KCNAB1: variants seen among roughly 807,000 people sequenced by gnomAD.
The protein encoded by KCNAB1 is voltage-gated potassium channel subunit beta-1.
In KCNAB1, 35 loss-of-function variants were observed where a neutral mutation model predicts 64.6. The observed-to-expected ratio is 0.54, with a 90% CI of 0.41 to 0.72. The LOEUF (loss-of-function observed/expected upper bound fraction) is 0.72, where lower values mean the gene tolerates loss of function less well. Among genes scored for constraint, KCNAB1 ranks in the 30% least tolerant of loss-of-function variants. The pLI is 0.00. For missense variants in KCNAB1, 401 were observed against 512.9 expected (o/e 0.78, Z 2.11); for synonymous variants, 177 against 183.8 (o/e 0.96, Z 0.30).
chr3:156,237,696 T>C (rs9864967), intron 1 of KCNAB1, among the ~76,000 whole-genome samples: 86,792 of 152,012 alleles, frequency 0.57, 25,434 homozygotes, highest in East Asian at 0.9. Flanking sequence ...GTGGCTGTTT[T>C]CTTAACATTT....
chr3:156,465,617 AG>A, intron 6 of KCNAB1, 25 bp from the exon 7 acceptor site: 1 of 1,606,930 alleles, frequency 6.2e-7, no homozygotes. Context: ...TCTCATTCAA[AG>A]TTATTTGCTT....
intron 1 of KCNAB1, among the ~76,000 whole-genome samples, chr3:156,247,573 G>A (rs1418201538): frequency 1.3e-5 from 2 of 151,932 alleles, no homozygotes; most frequent in Non-Finnish European, 2.9e-5. Context: ...TTTTTTGCGG[G>A]GGAGAGGAAG....
At chr3:156,461,259 A>G (rs1324840762) in intron 5 of KCNAB1, among the ~76,000 whole-genome samples, 1 of 152,228 alleles carries the variant, frequency 6.6e-6, no homozygotes, top group East Asian at 1.9e-4. Flanking sequence ...CCAGAAATCC[A>G]AAATCAAGGT....
At chr3:156,293,473 A>G (rs1560179161) in intron 1 of KCNAB1, among the ~76,000 whole-genome samples, 1 of 152,240 alleles carries the variant, frequency 6.6e-6, no homozygotes, top group Non-Finnish European at 1.5e-5. Context: ...ACCTGTTTTT[A>G]TAAAAGTTGC....
intron 1 of KCNAB1, among the ~76,000 whole-genome samples, chr3:156,138,288 G>T (rs910422402): frequency 1.3e-5 from 2 of 152,206 alleles, no homozygotes; most frequent in African/African-American, 4.8e-5. Flanking sequence ...ACGTGAACAA[G>T]AGCAGAAAGA....
At chr3:156,284,708 C>T (rs923131533) in intron 1 of KCNAB1, among the ~76,000 whole-genome samples, 5 of 152,204 alleles carry the variant, frequency 3.3e-5, no homozygotes, top group African/African-American at 9.6e-5. Context: ...GTGCAGTATT[C>T]GGGTGGGAGT....
Position 156,137,868 on chromosome 3 carries a change from T to C in KCNAB1, c.275+16982T>C, listed in dbSNP as rs985980890. On this transcript the variant is annotated intron_variant, in intron 1 of 13. Transcript: ENST00000490337. ...ACTGTGCCCGGCCTGGATTGCAAAC[T>C]TGTGAAAGAACTCCCTCCACTCCTC... Among the ~76,000 whole-genome samples the C allele has an allele frequency of 1.3e-5, 2 of 152,016 alleles. 1 individual carries two copies. Among genetic ancestry groups the C allele is most frequent in the Admixed American group, 1.3e-4 (2 of 15,264 alleles).
intron 8 of KCNAB1, among the ~76,000 whole-genome samples, chr3:156,503,394 T>A (rs1055893925): frequency 1.3e-5 from 2 of 152,204 alleles, no homozygotes. Flanking sequence ...CATTCTTATC[T>A]AAATGTAAGA....
chr3:156,402,160 AAAG>A (rs944246701), intron 1 of KCNAB1, among the ~76,000 whole-genome samples: 5 of 152,162 alleles, frequency 3.3e-5, no homozygotes, highest in Non-Finnish European at 7.4e-5. Context: ...TTAAAAAAAA[AAAG>A]AGAGAAAAGA....
In KCNAB1 at chr3:156,120,699, G is replaced by C. The variant is rs67167156; in HGVS notation, c.88G>C (p.Gly30Arg). Reference sequence around the variant, plus strand: ...GAGACAGTCTGGGTTTTCTGTAGCAGGGAAAGACAAATCTCCCAAGAAAGC... The same window carrying C: ...GAGACAGTCTGGGTTTTCTGTAGCACGGAAAGACAAATCTCCCAAGAAAGC... Reference protein sequence around the residue: ...LRRQSGFSVAGKDKSPKKASE... With the variant: ...LRRQSGFSVARKDKSPKKASE... Residue 30 changes from glycine to arginine, a missense_variant, in exon 1 of 14, where the codon GGG becomes CGG. Gly to Arg is a moderately radical substitution (Grantham distance 125). Transcript: ENST00000490337. 4,585 of 1,614,236 alleles carry C rather than the reference G, an allele frequency of 2.8e-3. 144 individuals are homozygous for C. In the African/African-American group the frequency reaches 0.055, roughly 19 times the overall value.
chr3:156,465,235 A>G (rs1178238529), intron 6 of KCNAB1, among the ~76,000 whole-genome samples: 1 of 152,214 alleles, frequency 6.6e-6, no homozygotes, highest in Non-Finnish European at 1.5e-5. Context: ...TGCTTCCTTT[A>G]TCAGAAAAGC....
chr3:156,362,949 C>T (rs911757789), intron 1 of KCNAB1, among the ~76,000 whole-genome samples: 1 of 152,238 alleles, frequency 6.6e-6, no homozygotes, highest in African/African-American at 2.4e-5. Context: ...GAGGCATTGT[C>T]TGTGGCAGCA....
chr3:156,406,819 G>A (rs1446896407), intron 1 of KCNAB1, among the ~76,000 whole-genome samples: 1 of 152,172 alleles, frequency 6.6e-6, no homozygotes, highest in Admixed American at 6.5e-5. Flanking sequence ...GGGAAGTAGA[G>A]AGCCTAAGAC....
intron 1 of KCNAB1, among the ~76,000 whole-genome samples, chr3:156,138,526 G>A (rs753218117): frequency 1.3e-5 from 2 of 152,102 alleles, no homozygotes; most frequent in African/African-American, 2.4e-5. Flanking sequence ...AAATCACCTC[G>A]TTAGCCAAGA....
At chr3:156,525,778 T>C (rs1222436292) in intron 12 of KCNAB1, among the ~76,000 whole-genome samples, 2 of 152,234 alleles carry the variant, frequency 1.3e-5, no homozygotes, top group Non-Finnish European at 2.9e-5. Context: ...CCGCCTAAAG[T>C]GCTGGGATTA....
chr3:156,421,557 T>C (rs1245382788), intron 1 of KCNAB1, 59 bp from the exon 2 acceptor site: 13 of 1,531,008 alleles, frequency 8.5e-6, no homozygotes, highest in African/African-American at 1.4e-5. Context: ...TATCCACTTA[T>C]GCATGTACAG....
intron 8 of KCNAB1, among the ~76,000 whole-genome samples, chr3:156,495,201 C>A (rs943612674): frequency 1.3e-5 from 2 of 152,100 alleles, no homozygotes; most frequent in Non-Finnish European, 2.9e-5. Flanking sequence ...AGAACATGAT[C>A]TCATTCCTTT....
chr3:156,140,236 A>AT (rs1321028485), intron 1 of KCNAB1, among the ~76,000 whole-genome samples: 1 of 152,178 alleles, frequency 6.6e-6, no homozygotes, highest in Non-Finnish European at 1.5e-5. Flanking sequence ...ACTACATTCT[A>AT]TTTTATTACA....
At chr3:156,481,726 A>G (rs946188046) in intron 8 of KCNAB1, among the ~76,000 whole-genome samples, 9 of 152,150 alleles carry the variant, frequency 5.9e-5, no homozygotes, top group Non-Finnish European at 1.2e-4. Context: ...GGACTAGGGC[A>G]TTAGACAGAC....
Sources: allele counts gnomAD v4.1 joint callset (sites outside exome capture counted in the v4.1 genomes callset), GRCh38; gene constraint gnomAD v4.1.1; transcripts MANE v1.5; gene names NCBI Gene and HGNC (gene_info 2026-07-23, HGNC 2026-07-21).